The following SIRT5 variants were observed in gnomAD, a reference collection of about 807,000 sequenced individuals.
The protein encoded by SIRT5 is sirtuin 5, also known as NAD-dependent protein deacylase sirtuin-5, mitochondrial.
A neutral mutation model predicts 40.0 loss-of-function variants in SIRT5; 26 were observed. The observed-to-expected ratio is 0.65, with a 90% CI of 0.48 to 0.90. SIRT5 has a LOEUF of 0.90. Ranked by LOEUF, SIRT5 falls within the 40% of genes least tolerant of loss-of-function variation. SIRT5 has a pLI of 0.00. For synonymous variants in SIRT5, 146 were observed against 149.1 expected (o/e 0.98, Z 0.15); for missense variants, 401 against 402.4 (o/e 1.00, Z 0.03).
chr6:13,611,201 G>GTA (rs1163704127), intron 9 of SIRT5, among the ~76,000 whole-genome samples: 2 of 97,982 alleles, frequency 2.0e-5, no homozygotes, highest in African/African-American at 3.9e-5. Context: ...TTTTATGTGT[G>GTA]TGTGTGTATA....
At position 13,615,091 on chromosome 6, in the gene SIRT5, C is replaced by T. The variant is rs963484895; in HGVS notation, c.*3226C>T. On this transcript the variant is annotated 3_prime_UTR_variant, in exon 10 of 10. Coordinates refer to ENST00000606117, the MANE Select transcript of SIRT5 (RefSeq NM_012241.5). ...AGCCGAGGAGGGCAGCGCGATGGCTCTTCCCTGCCTTGAAATCAACCCCAT... is the reference window on the plus strand; with the variant it reads ...AGCCGAGGAGGGCAGCGCGATGGCTTTTCCCTGCCTTGAAATCAACCCCAT... The T allele has an allele frequency of 2.3e-6, 1 of 437,752 alleles. No individual in the cohort carries two copies. The highest frequency in any genetic ancestry group is 4.0e-6 in the Non-Finnish European group (1 of 247,602). 27.1% of individuals were successfully genotyped at this position (437,752 alleles called of 1,614,324 possible).
Position 13,612,031 on chromosome 6 carries a change from C to A in SIRT5, c.*166C>A. 1 of 518,358 alleles carries A rather than the reference C, an allele frequency of 1.9e-6. No individual in the cohort carries two copies. The highest frequency in any genetic ancestry group is 3.4e-6 in the Non-Finnish European group (1 of 295,452). 32.1% of individuals were successfully genotyped at this position (518,358 alleles called of 1,614,324 possible). A position where few individuals can be genotyped will look rare whatever the true frequency, so the allele number is the denominator to read the frequency against. On this transcript the variant is annotated 3_prime_UTR_variant, in exon 10 of 10. Transcript: ENST00000606117. ...ATAAGTGATGGGGGTTTAGAAGTAGCAAAGAGCACCCACATTCAAAAGTCA... is the reference window on the plus strand; with the variant it reads ...ATAAGTGATGGGGGTTTAGAAGTAGAAAAGAGCACCCACATTCAAAAGTCA...
At chr6:13,588,227 A>G in intron 3 of SIRT5, 104 bp from the exon 4 acceptor site, 1 of 1,382,252 alleles carries the variant, frequency 7.2e-7, no homozygotes, top group South Asian at 1.4e-5. Context: ...GTTTATCTTA[A>G]AGTATAACTT....
intron 4 of SIRT5, among the ~76,000 whole-genome samples, chr6:13,590,895 A>G (rs111163329): frequency 2.0e-5 from 2 of 98,220 alleles, no homozygotes; most frequent in Non-Finnish European, 5.2e-5. Context: ...GTAGCAGCAT[A>G]TGTGTGTTTA....
intron 7 of SIRT5, among the ~76,000 whole-genome samples, chr6:13,597,607 A>G (rs938745421): frequency 6.6e-6 from 1 of 151,876 alleles, no homozygotes; most frequent in African/African-American, 2.4e-5. Flanking sequence ...GTGCAATGGT[A>G]CGATCTTGGC....
intron 2 of SIRT5, among the ~76,000 whole-genome samples, chr6:13,583,863 C>G (rs1171485559): frequency 6.6e-6 from 1 of 151,472 alleles, no homozygotes; most frequent in African/African-American, 2.5e-5. Flanking sequence ...TCTAGGAGCA[C>G]TTGAGAACAC....
At chr6:13,602,145 T>A (rs1459287339) in intron 9 of SIRT5, among the ~76,000 whole-genome samples, 1 of 152,184 alleles carries the variant, frequency 6.6e-6, no homozygotes, top group Non-Finnish European at 1.5e-5. Context: ...CAACTTAATA[T>A]GATTAAGATG....
At chr6:13,603,883 A>G (rs535916172) in intron 9 of SIRT5, among the ~76,000 whole-genome samples, 5 of 152,392 alleles carry the variant, frequency 3.3e-5, no homozygotes, top group East Asian at 3.8e-4. Context: ...CGAGATATCC[A>G]TACATGCTAC....
intron 5 of SIRT5, 54 bp downstream of exon 5, chr6:13,591,948 G>A (rs1760970972): frequency 1.3e-6 from 2 of 1,515,356 alleles, no homozygotes; most frequent in African/African-American, 1.4e-5. Flanking sequence ...CACCTGTCCT[G>A]CTGTTTCAGC....
At chr6:13,578,434 C>A (rs1758897778) in intron 1 of SIRT5, among the ~76,000 whole-genome samples, 1 of 151,864 alleles carries the variant, frequency 6.6e-6, no homozygotes, top group Non-Finnish European at 1.5e-5. Context: ...TCCTGGCTAA[C>A]ACGGTGAAAC....
At chr6:13,597,671 G>A (rs1350066774) in intron 7 of SIRT5, among the ~76,000 whole-genome samples, 5 of 151,768 alleles carry the variant, frequency 3.3e-5, no homozygotes, top group South Asian at 4.2e-4. Context: ...TCAGCCTCCC[G>A]AGTAGCTGGG....
At position 13,614,262 on chromosome 6, in the gene SIRT5, A is replaced by G. The variant is rs1037968951; in HGVS notation, c.*2397A>G. The G allele has an allele frequency of 1.3e-5, 2 of 152,202 alleles. No homozygotes were observed. Among genetic ancestry groups the G allele is most frequent in the Admixed American group, 6.5e-5 (1 of 15,282 alleles). 9.4% of individuals were successfully genotyped at this position (152,202 alleles called of 1,614,324 possible). A position where few individuals can be genotyped will look rare whatever the true frequency, so the allele number is the denominator to read the frequency against. The stretch of plus-strand genomic sequence containing the variant: ...TATGAAGTGCAGAAACTACACAGAC[A>G]TTTGTGCGGGTTCAGACCAGCGCAA... On this transcript the variant is annotated 3_prime_UTR_variant, in exon 10 of 10. Transcript: ENST00000606117.
chr6:13,588,514 A>G, intron 4 of SIRT5, 50 bp downstream of exon 4: 1 of 1,582,670 alleles, frequency 6.3e-7, no homozygotes, highest in South Asian at 1.2e-5. Context: ...TGAAACCATA[A>G]CAGAGTTTGA....
rs1761462842 is a variant in SIRT5, at chr6:13,595,553, A to T, written c.552A>T (p.Leu184Phe). The T allele has an allele frequency of 1.2e-6, 2 of 1,613,054 alleles. No homozygotes were observed. The highest frequency in any genetic ancestry group is 1.7e-6 in the Non-Finnish European group (2 of 1,179,004). ...ENYKSPICPA[L>F]SGKGAPEPGT... Reference sequence around the variant, plus strand: ...ACAAGAGTCCAATTTGTCCAGCTTTATCAGGAAAAGGGTAATTATACCACA... The same window carrying T: ...ACAAGAGTCCAATTTGTCCAGCTTTTTCAGGAAAAGGGTAATTATACCACA... The change falls in exon 6 of 10, where the codon TTA becomes TTT. Residue 184 changes from leucine (L) to phenylalanine (F), a missense_variant. Transcript: ENST00000606117.
At chr6:13,593,989 G>A (rs965165696) in intron 5 of SIRT5, among the ~76,000 whole-genome samples, 7 of 152,100 alleles carry the variant, frequency 4.6e-5, no homozygotes, top group African/African-American at 1.7e-4. Context: ...TGTTATAGCT[G>A]GGATTCTCAT....
rs1051852656 is a variant in SIRT5, at chr6:13,614,960, G to A, written c.*3095G>A. 4 of 193,850 alleles carry A rather than the reference G, an allele frequency of 2.1e-5. No individual in the cohort carries two copies. The highest frequency in any genetic ancestry group is 5.8e-5 in the Admixed American group (1 of 17,118). 12.0% of individuals were successfully genotyped at this position (193,850 alleles called of 1,614,324 possible). ...GACTGACAAGCTGGATCCACTCGAC[G>A]GAACCCAGGGCCAAAAAACGGCGGC... On this transcript the variant is annotated 3_prime_UTR_variant, in exon 10 of 10. Coordinates refer to ENST00000606117, the MANE Select transcript of SIRT5 (RefSeq NM_012241.5).
At chr6:13,583,834 T>C (rs189026595) in intron 2 of SIRT5, among the ~76,000 whole-genome samples, 211 of 150,884 alleles carry the variant, frequency 1.4e-3, no homozygotes, top group Admixed American at 3.9e-3. Context: ...GAAGCACTGC[T>C]CCAAGGCACC....
At chr6:13,591,630 C>G (rs202106347) in intron 4 of SIRT5, 39 bp from the exon 5 acceptor site, 3 of 1,465,574 alleles carry the variant, frequency 2.0e-6, no homozygotes, top group Non-Finnish European at 2.7e-6. Flanking sequence ...TCCTGGCTGT[C>G]TCTGCCTCCC....
Position 13,591,814 on chromosome 6 carries a change from G to T in SIRT5, c.395G>T (p.Gly132Val). ...AECETRLGKQGRRVVVITQNI... is the reference protein window; with the variant it reads ...AECETRLGKQVRRVVVITQNI... ...TGTGAGACCCGGCTGGGCAAGCAGG[G>T]CCGGCGAGTCGTGGTCATCACCCAG... The change falls in exon 5 of 10, where the codon GGC becomes GTC. Residue 132 changes from glycine to valine, a missense_variant. By Grantham distance (109) the Gly-to-Val change is moderately radical. Coordinates refer to ENST00000606117, the MANE Select transcript of SIRT5 (RefSeq NM_012241.5). 1 of 1,614,170 alleles carries T rather than the reference G, an allele frequency of 6.2e-7. No homozygotes were observed. The highest frequency in any genetic ancestry group is 2.2e-5 in the East Asian group (1 of 44,872).
Sources: gnomAD v4.1 joint callset for allele counts (sites outside exome capture counted in the v4.1 genomes callset) on GRCh38, gnomAD v4.1.1 for gene constraint, MANE v1.5 for transcripts, NCBI Gene and HGNC (gene_info 2026-07-23, HGNC 2026-07-21) for gene names.